The following KAZN variants were observed in gnomAD, a reference collection of about 807,000 sequenced individuals.
KAZN encodes the protein kazrin, periplakin interacting protein.
Under a neutral mutation model 87.4 loss-of-function variants are expected in KAZN, and 40 were observed. The observed-to-expected ratio is 0.46, with a 90% CI of 0.36 to 0.60. The LOEUF (loss-of-function observed/expected upper bound fraction) is 0.60. Among genes scored for constraint, KAZN ranks in the 20% least tolerant of loss-of-function variants. KAZN has a pLI of 0.00. For synonymous variants in KAZN, 466 were observed against 458.3 expected, an observed-to-expected ratio of 1.02 and a Z score of -0.22; for missense variants, 898 against 1,073.9, an observed-to-expected ratio of 0.84 and a Z score of 2.29.
intron 2 of KAZN, among the ~76,000 whole-genome samples, chr1:14,582,874 A>T (rs1413528068): frequency 6.6e-6 from 1 of 152,222 alleles, no homozygotes; most frequent in African/African-American, 2.4e-5. Context: ...CACAGAATCA[A>T]GCTCTTCCTG....
chr1:14,844,942 A>G (rs1648527577), intron 1 of KAZN, among the ~76,000 whole-genome samples: 2 of 152,170 alleles, frequency 1.3e-5, no homozygotes, highest in African/African-American at 4.8e-5. Context: ...GGATGGCTGT[A>G]TAAATGAGTG....
intron 1 of KAZN, among the ~76,000 whole-genome samples, chr1:14,860,291 A>C (rs1454477884): frequency 6.6e-6 from 1 of 152,054 alleles, no homozygotes; most frequent in Non-Finnish European, 1.5e-5. Context: ...TCCCAGGTTC[A>C]AGCAATTCTT....
At chr1:14,725,007 A>G (rs535013394) in intron 1 of KAZN, among the ~76,000 whole-genome samples, 2 of 152,248 alleles carry the variant, frequency 1.3e-5, no homozygotes, top group Non-Finnish European at 2.9e-5. Flanking sequence ...TACCAGGCAC[A>G]TAAGAGATGG....
chr1:14,486,107 T>C (rs1021553283), intron 2 of KAZN, among the ~76,000 whole-genome samples: 3 of 152,094 alleles, frequency 2.0e-5, no homozygotes, highest in Non-Finnish European at 4.4e-5. Flanking sequence ...GTGGCTAAGC[T>C]CCACTTTGGG....
At chr1:14,612,844 C>T (rs781499532) in intron 1 of KAZN, among the ~76,000 whole-genome samples, 1 of 152,194 alleles carries the variant, frequency 6.6e-6, no homozygotes, top group Non-Finnish European at 1.5e-5. Flanking sequence ...AAGGGACTAA[C>T]ATACTGTGCC....
At chr1:14,021,847 A>T (rs1329009683) in intron 1 of KAZN, among the ~76,000 whole-genome samples, 1 of 152,186 alleles carries the variant, frequency 6.6e-6, no homozygotes, top group South Asian at 2.1e-4. Context: ...GCTGCATTAC[A>T]AATAGAAATT....
intron 2 of KAZN, among the ~76,000 whole-genome samples, chr1:14,998,786 G>T (rs928447038): frequency 6.6e-6 from 1 of 152,144 alleles, no homozygotes; most frequent in Non-Finnish European, 1.5e-5. Flanking sequence ...TGACCTCAGG[G>T]TGACCTGCCC....
intron 13 of KAZN, among the ~76,000 whole-genome samples, chr1:15,107,587 A>C (rs542566262): frequency 5.9e-5 from 9 of 152,348 alleles, no homozygotes; most frequent in African/African-American, 2.2e-4. Context: ...TCTGCCACCC[A>C]AAGAGTTGAT....
intron 2 of KAZN, among the ~76,000 whole-genome samples, chr1:14,220,673 A>G (rs762732821): frequency 2.6e-5 from 4 of 152,162 alleles, no homozygotes; most frequent in Non-Finnish European, 5.9e-5. Context: ...AGCTTAGGTT[A>G]TGAATATTAG....
chr1:14,091,555 G>A (rs896449291), intron 1 of KAZN, among the ~76,000 whole-genome samples: 1 of 152,078 alleles, frequency 6.6e-6, no homozygotes, highest in African/African-American at 2.4e-5. Context: ...CATAGCTAAA[G>A]GTAAAAACAT....
chr1:14,480,587 ATAT>A (rs1227171124), intron 2 of KAZN, among the ~76,000 whole-genome samples: 1 of 144,914 alleles, frequency 6.9e-6, no homozygotes, highest in African/African-American at 2.6e-5. Context: ...CATAATATTC[ATAT>A]TATATATTAT....
chr1:14,095,687 G>C (rs1644111375), intron 1 of KAZN, among the ~76,000 whole-genome samples: 1 of 152,088 alleles, frequency 6.6e-6, no homozygotes, highest in Non-Finnish European at 1.5e-5. Context: ...AGGCCACATG[G>C]CTTCTTCATG....
intron 4 of KAZN, among the ~76,000 whole-genome samples, chr1:15,050,332 C>T (rs75966711): frequency 0.14 from 21,630 of 151,536 alleles, 3,057 homozygotes; most frequent in African/African-American, 0.37. Context: ...TGCTCTAGAG[C>T]CACCCTGTCC....
chr1:14,380,526 TGAAAA>T (rs1179703411), intron 2 of KAZN, among the ~76,000 whole-genome samples: 6 of 152,156 alleles, frequency 3.9e-5, no homozygotes, highest in African/African-American at 1.2e-4. Flanking sequence ...TTGAAATAAT[TGAAAA>T]GAACCAAGCA....
chr1:14,420,058 T>C (rs1259442332), intron 2 of KAZN, among the ~76,000 whole-genome samples: 1 of 152,148 alleles, frequency 6.6e-6, no homozygotes, highest in African/African-American at 2.4e-5. Context: ...AGAGAGCTGA[T>C]TGGTCTGTTT....
intron 1 of KAZN, among the ~76,000 whole-genome samples, chr1:14,959,610 G>C (rs1663594612): frequency 6.6e-6 from 1 of 152,184 alleles, no homozygotes; most frequent in South Asian, 2.1e-4. Flanking sequence ...AAGGGGACCT[G>C]CTTAATGAAT....
chr1:13,916,448 T>C (rs1413992011), intron 1 of KAZN, among the ~76,000 whole-genome samples: 1 of 152,134 alleles, frequency 6.6e-6, no homozygotes, highest in East Asian at 1.9e-4. Flanking sequence ...CTGCTTAGTA[T>C]GGATGGTAGG....
chr1:14,625,744 G>A (rs369568372), intron 1 of KAZN, among the ~76,000 whole-genome samples: 1 of 152,190 alleles, frequency 6.6e-6, no homozygotes, highest in Non-Finnish European at 1.5e-5. Flanking sequence ...GAAAGAGGGC[G>A]GGAGGTTTGT....
At chr1:14,231,468 CAGCATAGGTA>C (rs1647840846) in intron 2 of KAZN, among the ~76,000 whole-genome samples, 2 of 152,146 alleles carry the variant, frequency 1.3e-5, no homozygotes, top group Admixed American at 6.5e-5. Flanking sequence ...CCCATGCCGC[CAGCATAGGTA>C]ATATATAAAG....
Sources: allele counts gnomAD v4.1 joint callset (sites outside exome capture counted in the v4.1 genomes callset), GRCh38; gene constraint gnomAD v4.1.1; transcripts MANE v1.5; gene names NCBI Gene and HGNC (gene_info 2026-07-23, HGNC 2026-07-21).